Variants in SPATA9 observed in about 807,000 individuals in gnomAD.
SPATA9 encodes spermatogenesis associated 9, also known as spermatogenesis-associated protein 9.
Under a neutral mutation model 25.5 loss-of-function variants are expected in SPATA9, and 27 were observed. The observed-to-expected ratio is 1.06, with a 90% CI of 0.78 to 1.46. The LOEUF is 1.46. Ranked by LOEUF, SPATA9 falls within the 40% of genes most tolerant of loss-of-function variation. The pLI is 0.00. For missense variants in SPATA9, 282 were observed against 297.5 expected (o/e 0.95, Z 0.38); for synonymous variants, 102 against 105.7 (o/e 0.97, Z 0.21).
chr5:95,724,149 G>T, the SPATA9 span, among the ~76,000 whole-genome samples: 1 of 152,162 alleles, frequency 6.6e-6, no homozygotes, highest in Non-Finnish European at 1.5e-5. Context: ...TATACTTCAT[G>T]ACACAGCAAT....
chr5:95,671,633 C>T (rs1373263265), intron 3 of SPATA9, among the ~76,000 whole-genome samples: 1 of 152,248 alleles, frequency 6.6e-6, no homozygotes, highest in East Asian at 1.9e-4. Context: ...TGGTCTTGAA[C>T]TTCTGACCTC....
At chr5:95,666,797 G>A (rs192843123) in intron 3 of SPATA9, among the ~76,000 whole-genome samples, 1 of 152,252 alleles carries the variant, frequency 6.6e-6, no homozygotes, top group East Asian at 1.9e-4. Context: ...AATTTATGGA[G>A]CTATACACTT....
the SPATA9 span, among the ~76,000 whole-genome samples, chr5:95,710,074 C>T: frequency 1.3e-5 from 2 of 152,122 alleles, no homozygotes; most frequent in Non-Finnish European, 2.9e-5. Flanking sequence ...GCCATCAATT[C>T]AGCTTTTTGC....
chr5:95,724,288 T>C, the SPATA9 span, among the ~76,000 whole-genome samples: 1 of 152,232 alleles, frequency 6.6e-6, no homozygotes, highest in Non-Finnish European at 1.5e-5. Context: ...AAGGTTTTTG[T>C]TGATATTTGA....
chr5:95,703,653 A>C (rs985102877), upstream of SPATA9, among the ~76,000 whole-genome samples: 4 of 152,094 alleles, frequency 2.6e-5, no homozygotes, highest in African/African-American at 9.7e-5. Flanking sequence ...GTAAAAAAAA[A>C]AAATTCATTT....
At chr5:95,657,784 A>G (rs1329746137), downstream of SPATA9, 1 of 152,158 alleles carries the variant, frequency 6.6e-6, no homozygotes, top group Admixed American at 6.6e-5. Flanking sequence ...TTGTGGTAGC[A>G]GCTACTTACT....
At chr5:95,715,694 A>T in the SPATA9 span, among the ~76,000 whole-genome samples, 9 of 152,186 alleles carry the variant, frequency 5.9e-5, no homozygotes, top group Admixed American at 3.3e-4. Context: ...TTTCTTTAAC[A>T]AGACAGAAAA....
At chr5:95,730,396 T>A in the SPATA9 span, among the ~76,000 whole-genome samples, 4 of 152,204 alleles carry the variant, frequency 2.6e-5, no homozygotes, top group South Asian at 8.3e-4. Context: ...CCCAGAGTAA[T>A]CCCTGGCCCA....
chr5:95,705,485 G>A, the SPATA9 span, among the ~76,000 whole-genome samples: 3 of 152,044 alleles, frequency 2.0e-5, no homozygotes, highest in Non-Finnish European at 4.4e-5. Flanking sequence ...ACAACAAAAA[G>A]TTCTCTGATT....
At chr5:95,670,770 G>T in intron 3 of SPATA9, 1 of 819,382 alleles carries the variant, frequency 1.2e-6, no homozygotes, top group Non-Finnish European at 1.5e-6. Flanking sequence ...TACCATGGAT[G>T]CACTCCATTT....
At chr5:95,731,528 C>G in the SPATA9 span, 4 of 1,348,674 alleles carry the variant, frequency 3.0e-6, no homozygotes, top group Non-Finnish European at 3.8e-6. Context: ...GCGGCCCCGG[C>G]CCCGCTCTGC....
intron 2 of SPATA9, among the ~76,000 whole-genome samples, chr5:95,681,391 A>C (rs1422730776): frequency 6.6e-6 from 1 of 151,790 alleles, no homozygotes; most frequent in African/African-American, 2.4e-5. Flanking sequence ...CACTGATCCC[A>C]CCCTTTTCTT....
upstream of SPATA9, among the ~76,000 whole-genome samples, chr5:95,685,449 G>T (rs1753716680): frequency 6.6e-6 from 1 of 152,138 alleles, no homozygotes; most frequent in African/African-American, 2.4e-5. Context: ...TTTAAGAATT[G>T]TTGTTGGCCT....
chr5:95,660,887 T>G (rs1451382800), intron 4 of SPATA9, among the ~76,000 whole-genome samples: 1 of 152,186 alleles, frequency 6.6e-6, no homozygotes, highest in African/African-American at 2.4e-5. Context: ...TATAACATAC[T>G]TGAGTATCTT....
chr5:95,676,732 C>G (rs1433688056), intron 2 of SPATA9, among the ~76,000 whole-genome samples: 1 of 152,180 alleles, frequency 6.6e-6, no homozygotes, highest in Non-Finnish European at 1.5e-5. Flanking sequence ...TCTGCTTCCA[C>G]CTTTGCCTAT....
upstream of SPATA9, among the ~76,000 whole-genome samples, chr5:95,701,083 C>T (rs1754171574): frequency 6.6e-6 from 1 of 152,136 alleles, no homozygotes; most frequent in African/African-American, 2.4e-5. Context: ...ATGTATTTTA[C>T]AGTACTTTAT....
At chr5:95,676,281 T>TG (rs1013654320) in intron 2 of SPATA9, among the ~76,000 whole-genome samples, 1 of 152,218 alleles carries the variant, frequency 6.6e-6, no homozygotes, top group Non-Finnish European at 1.5e-5. Context: ...AATAGGTTTT[T>TG]GGGGAACAGC....
intron 1 of SPATA9, among the ~76,000 whole-genome samples, chr5:95,688,384 CTA>C (rs1753799805): frequency 1.3e-5 from 2 of 152,162 alleles, no homozygotes; most frequent in Admixed American, 1.3e-4. Context: ...TCCTAAGTAG[CTA>C]ACTACAGGCA....
the SPATA9 span, among the ~76,000 whole-genome samples, chr5:95,706,837 C>CAT: frequency 6.2e-4 from 94 of 151,610 alleles, no homozygotes; most frequent in African/African-American, 1.8e-3. Flanking sequence ...GCCACATTTG[C>CAT]ATATATATAT....
Sources: allele counts gnomAD v4.1 joint callset (sites outside exome capture counted in the v4.1 genomes callset), GRCh38; gene constraint gnomAD v4.1.1; transcripts MANE v1.5; gene names NCBI Gene and HGNC (gene_info 2026-07-23, HGNC 2026-07-21).